EYA1: variants seen among roughly 807,000 people sequenced by gnomAD.
EYA1 encodes the protein EYA transcriptional coactivator and phosphatase 1.
EYA1 carries 16 observed loss-of-function variants against 82.0 expected under a neutral mutation model. That is an observed-to-expected ratio of 0.20 (90% CI 0.13 to 0.30). EYA1 has a LOEUF of 0.30. Among genes scored for constraint, EYA1 ranks in the 10% least tolerant of loss-of-function variants. The pLI is 1.00. For missense variants in EYA1, 633 were observed against 730.7 expected (o/e 0.87, Z 1.54); for synonymous variants, 261 against 264.4 (o/e 0.99, Z 0.12).
chr8:71,533,263 T>C (rs1425378225), intron 2 of EYA1, among the ~76,000 whole-genome samples: 2 of 152,188 alleles, frequency 1.3e-5, no homozygotes, highest in Non-Finnish European at 2.9e-5. Flanking sequence ...TGCCTTTTAA[T>C]CCATATACAT....
intron 2 of EYA1, among the ~76,000 whole-genome samples, chr8:71,482,199 AC>A (rs1245409279): frequency 2.0e-5 from 3 of 152,234 alleles, no homozygotes; most frequent in African/African-American, 7.2e-5. Context: ...CAAATCAAAA[AC>A]AAAAAGACAA....
At chr8:71,393,331 A>G (rs916499433) in intron 2 of EYA1, among the ~76,000 whole-genome samples, 1 of 152,092 alleles carries the variant, frequency 6.6e-6, no homozygotes, top group East Asian at 1.9e-4. Context: ...GTTCTAGGGT[A>G]CATGTGCACA....
intron 12 of EYA1, among the ~76,000 whole-genome samples, chr8:71,221,201 G>T (rs188848743): frequency 8.5e-5 from 13 of 152,204 alleles, no homozygotes; most frequent in African/African-American, 3.1e-4. Context: ...CGATAAAATG[G>T]TGGCCTACTG....
At chr8:71,267,274 C>T (rs1306031676) in intron 11 of EYA1, among the ~76,000 whole-genome samples, 1 of 152,166 alleles carries the variant, frequency 6.6e-6, no homozygotes, top group Admixed American at 6.5e-5. Context: ...AGCTTGGTCT[C>T]ACTGGCCTCT....
intron 2 of EYA1, among the ~76,000 whole-genome samples, chr8:71,487,094 G>C (rs2129219964): frequency 6.6e-6 from 1 of 150,892 alleles, no homozygotes; most frequent in South Asian, 2.1e-4. Context: ...AATCTCTTCT[G>C]TTCAAAAACA....
At chr8:71,284,404 T>C (rs1412254804) in intron 9 of EYA1, among the ~76,000 whole-genome samples, 1 of 152,230 alleles carries the variant, frequency 6.6e-6, no homozygotes, top group African/African-American at 2.4e-5. Context: ...TTCACCATAG[T>C]GGACAGAATA....
At chr8:71,275,410 G>C (rs1817051795) in intron 9 of EYA1, among the ~76,000 whole-genome samples, 1 of 152,162 alleles carries the variant, frequency 6.6e-6, no homozygotes, top group African/African-American at 2.4e-5. Flanking sequence ...ATTTGAAGGG[G>C]CTGTGGGCAT....
In EYA1 at chr8:71,198,212, G is replaced by A. The variant is rs183978164; in HGVS notation, c.*1128C>T. Reference sequence around the variant, plus strand: ...CTACTATCATCTATATTCTTTGTGGGAAGAAGCATTTGAATAATTATTTTT... The same window carrying A: ...CTACTATCATCTATATTCTTTGTGGAAAGAAGCATTTGAATAATTATTTTT... On this transcript the variant is annotated 3_prime_UTR_variant, in exon 18 of 18. Transcript: ENST00000340726. 200 of 152,634 alleles carry A rather than the reference G, an allele frequency of 1.3e-3. No homozygotes were observed. Among genetic ancestry groups the A allele is most frequent in the African/African-American group, 4.7e-3 (194 of 41,516 alleles). The allele number at this position is 152,634 out of a possible 1,614,324, so 9.5% of individuals were successfully genotyped here.
At chr8:71,406,251 T>A (rs1830212647) in intron 2 of EYA1, among the ~76,000 whole-genome samples, 1 of 152,204 alleles carries the variant, frequency 6.6e-6, no homozygotes, top group African/African-American at 2.4e-5. Flanking sequence ...ACATTTTCAT[T>A]CCCATCAACT....
intron 12 of EYA1, among the ~76,000 whole-genome samples, chr8:71,224,383 G>A (rs1158950623): frequency 6.6e-6 from 1 of 152,214 alleles, no homozygotes; most frequent in Non-Finnish European, 1.5e-5. Flanking sequence ...TTTTCATTGT[G>A]TCTTTACATC....
chr8:71,528,799 A>T (rs1253011414), intron 2 of EYA1, among the ~76,000 whole-genome samples: 1 of 152,206 alleles, frequency 6.6e-6, no homozygotes, highest in Non-Finnish European at 1.5e-5. Context: ...TAATCACACA[A>T]TCATGCAAGA....
chr8:71,314,490 T>C (rs1029175710), intron 7 of EYA1, among the ~76,000 whole-genome samples: 1 of 152,206 alleles, frequency 6.6e-6, no homozygotes, highest in Admixed American at 6.5e-5. Flanking sequence ...TTATCTGAAA[T>C]GCTTGGGACC....
In EYA1 at chr8:71,369,433, C is replaced by T. The variant is rs991260115; in HGVS notation, c.34-12922G>A. Among the ~76,000 whole-genome samples, 14 of 152,240 alleles carry T rather than the reference C, an allele frequency of 9.2e-5. No homozygotes were observed. In the East Asian group the frequency reaches 1.5e-3, roughly 17 times the overall value. On this transcript the variant is annotated intron_variant, in intron 2 of 18. Transcript: ENST00000643681. ...GTGAATTCTAATTCTGGTTTCAACACGGGCTTTCTCTATGTCTTCTGTTGT... is the reference window on the plus strand; with the variant it reads ...GTGAATTCTAATTCTGGTTTCAACATGGGCTTTCTCTATGTCTTCTGTTGT...
intron 2 of EYA1, among the ~76,000 whole-genome samples, chr8:71,441,271 A>G (rs1436026522): frequency 1.3e-5 from 2 of 152,174 alleles, no homozygotes; most frequent in African/African-American, 4.8e-5. Flanking sequence ...GTTGACCAGC[A>G]TGATGGCTGA....
Position 71,215,327 on chromosome 8 carries a change from C to T in EYA1, c.1597+60G>A, listed in dbSNP as rs79867447. The stretch of plus-strand genomic sequence containing the variant: ...AAAAAAAGTTTCATTTATTGCCTTT[C>T]GTTTTTATTATCCTGAAGGAAAAGA... On this transcript the variant is annotated intron_variant, in intron 16 of 17. Transcript: ENST00000340726. 44,472 of 1,556,144 alleles carry T rather than the reference C, an allele frequency of 0.029. 6,310 individuals carry two copies. The African/African-American group carries it at 0.4, about 14-fold the overall frequency.
chr8:71,461,623 C>T (rs749666690), intron 2 of EYA1, among the ~76,000 whole-genome samples: 2 of 152,160 alleles, frequency 1.3e-5, no homozygotes, highest in African/African-American at 2.4e-5. Context: ...CATGTTTCAG[C>T]CCTGTTTGTG....
chr8:71,459,828 C>T (rs1808232370), intron 2 of EYA1, among the ~76,000 whole-genome samples: 1 of 152,064 alleles, frequency 6.6e-6, no homozygotes. Context: ...GCAAAGATAA[C>T]TGTCAATTTG....
At chr8:71,238,027 C>A (rs943817565) in intron 12 of EYA1, among the ~76,000 whole-genome samples, 1 of 152,038 alleles carries the variant, frequency 6.6e-6, no homozygotes, top group Non-Finnish European at 1.5e-5. Context: ...ATGGTATTAA[C>A]CTTTTATAGG....
chr8:71,391,463 T>C (rs900490156), intron 2 of EYA1, among the ~76,000 whole-genome samples: 1 of 152,238 alleles, frequency 6.6e-6, no homozygotes, highest in Non-Finnish European at 1.5e-5. Flanking sequence ...TGGTTGTCTT[T>C]TCACTTAAGA....
Sources: allele counts gnomAD v4.1 joint callset (sites outside exome capture counted in the v4.1 genomes callset), GRCh38; gene constraint gnomAD v4.1.1; transcripts MANE v1.5; gene names NCBI Gene and HGNC (gene_info 2026-07-23, HGNC 2026-07-21).